Variants in PGR observed in about 807,000 individuals in gnomAD.
The protein encoded by PGR is progesterone receptor.
In PGR, 25 loss-of-function variants were observed where a neutral mutation model predicts 76.1. The ratio of observed to expected loss-of-function variants is 0.33; its 90% CI spans 0.24 to 0.46. PGR has a LOEUF of 0.46. PGR is among the 20% of genes least tolerant of loss of function. The pLI, the probability that PGR is intolerant of heterozygous loss-of-function variation, is 1.00. For missense variants in PGR, 1,172 were observed against 1,225.3 expected, an observed-to-expected ratio of 0.96 and a Z score of 0.65; for synonymous variants, 579 against 535.0, an observed-to-expected ratio of 1.08 and a Z score of -1.14.
chr11:101,098,908 C>A (rs1305797662), intron 2 of PGR, among the ~76,000 whole-genome samples: 1 of 152,178 alleles, frequency 6.6e-6, no homozygotes, highest in East Asian at 1.9e-4. Flanking sequence ...GGACAAAAAT[C>A]ATTTATGCCA....
At chr11:101,098,602 G>C (rs1361248911) in intron 2 of PGR, among the ~76,000 whole-genome samples, 2 of 152,084 alleles carry the variant, frequency 1.3e-5, no homozygotes. Context: ...ATCTCTATAA[G>C]CCAGAAAAGA....
At chr11:101,057,239 C>A (rs1255301804) in intron 4 of PGR, among the ~76,000 whole-genome samples, 3 of 152,012 alleles carry the variant, frequency 2.0e-5, no homozygotes, top group Non-Finnish European at 2.9e-5. Flanking sequence ...ACAAGTAATG[C>A]GAATCCTGAA....
chr11:101,117,362 T>C (rs1268619108), intron 2 of PGR, among the ~76,000 whole-genome samples: 1 of 152,322 alleles, frequency 6.6e-6, no homozygotes, highest in African/African-American at 2.4e-5. Flanking sequence ...TTTTTCTTGA[T>C]TTGTAAGAAT....
At chr11:101,081,168 G>A (rs1861293382) in intron 3 of PGR, among the ~76,000 whole-genome samples, 1 of 152,234 alleles carries the variant, frequency 6.6e-6, no homozygotes, top group African/African-American at 2.4e-5. Flanking sequence ...GGTGACTCAT[G>A]TCTGTAATCC....
In PGR at chr11:101,030,258, A is replaced by T. The variant is rs578135758; in HGVS notation, c.*8858T>A. The T allele has an allele frequency of 6.7e-5, 15 of 224,020 alleles. No individual in the cohort carries two copies. The highest frequency in any genetic ancestry group is 2.4e-4 in the African/African-American group (11 of 44,962). The allele number at this position is 224,020 out of a possible 1,614,324, so 13.9% of individuals were successfully genotyped here. A position where few individuals can be genotyped will look rare whatever the true frequency, so the allele number is the denominator to read the frequency against. ...TTACTAATAAGCAACGGGGTAGATA[A>T]CTTTGAAGATTGCATCAACTTCAAC... On this transcript the variant is annotated 3_prime_UTR_variant, in exon 8 of 8. Transcript: ENST00000325455.
chr11:101,044,541 C>T (rs1859798988), intron 6 of PGR, among the ~76,000 whole-genome samples: 1 of 152,098 alleles, frequency 6.6e-6, no homozygotes, highest in African/African-American at 2.4e-5. Flanking sequence ...GTATTTGAAA[C>T]TTGGCTAGTT....
intron 2 of PGR, among the ~76,000 whole-genome samples, chr11:101,097,018 C>T (rs751523660): frequency 5.9e-5 from 9 of 152,236 alleles, no homozygotes; most frequent in Non-Finnish European, 8.8e-5. Context: ...TAGGGGAGTT[C>T]ACCCCACTAG....
At chr11:101,112,013 G>A (rs1386294877) in intron 2 of PGR, among the ~76,000 whole-genome samples, 3 of 152,116 alleles carry the variant, frequency 2.0e-5, no homozygotes, top group African/African-American at 4.8e-5. Context: ...AAAACCAAGC[G>A]AATAAAGTAT....
Position 101,030,124 on chromosome 11 carries a change from C to CT in PGR, c.*8991dup, listed in dbSNP as rs973042115. Reference sequence around the variant, plus strand: ...TAAAAGTATAACTCTGGACAATGTACTTAGGGACCTACTACTTACTCAAAA... The same window carrying CT: ...TAAAAGTATAACTCTGGACAATGTACTTTAGGGACCTACTACTTACTCAAAA... On this transcript the variant is annotated 3_prime_UTR_variant, in exon 8 of 8. Coordinates refer to ENST00000325455, the MANE Select transcript of PGR (RefSeq NM_000926.4). 4.6e-6 allele frequency: 1 copy of CT among 219,484 alleles called. No homozygotes were observed. Among genetic ancestry groups the CT allele is most frequent in the Non-Finnish European group, 9.1e-6 (1 of 109,502 alleles). The allele number at this position is 219,484 out of a possible 1,614,324, so 13.6% of individuals were successfully genotyped here.
At chr11:101,114,680 G>GT (rs1287104715) in intron 2 of PGR, among the ~76,000 whole-genome samples, 1 of 151,578 alleles carries the variant, frequency 6.6e-6, no homozygotes, top group African/African-American at 2.4e-5. Context: ...TGAAGGTGAC[G>GT]TCCCCCACCC....
chr11:101,083,062 G>A (rs1046337086), intron 3 of PGR, among the ~76,000 whole-genome samples: 1 of 152,188 alleles, frequency 6.6e-6, no homozygotes, highest in South Asian at 2.1e-4. Context: ...CAGGCCCAGG[G>A]CCTAGCTACT....
chr11:101,096,516 A>C (rs1158282238), intron 2 of PGR, among the ~76,000 whole-genome samples: 1 of 152,224 alleles, frequency 6.6e-6, no homozygotes, highest in Non-Finnish European at 1.5e-5. Flanking sequence ...ACCATAATGC[A>C]TGGCCAGGAC....
intron 2 of PGR, among the ~76,000 whole-genome samples, chr11:101,097,148 G>C (rs999658754): frequency 1.3e-5 from 2 of 152,142 alleles, no homozygotes; most frequent in Non-Finnish European, 2.9e-5. Flanking sequence ...TTAGGGTGGG[G>C]AAAGCAGGGG....
intron 4 of PGR, among the ~76,000 whole-genome samples, chr11:101,056,987 C>G (rs1860319078): frequency 6.6e-6 from 1 of 152,174 alleles, no homozygotes; most frequent in East Asian, 1.9e-4. Context: ...ATTTAAATTT[C>G]TATAAATATT....
At chr11:101,100,874 T>C (rs950035871) in intron 2 of PGR, among the ~76,000 whole-genome samples, 1 of 152,058 alleles carries the variant, frequency 6.6e-6, no homozygotes, top group African/African-American at 2.4e-5. Flanking sequence ...TGTGGCCCAA[T>C]AGGTCAATAG....
At chr11:101,045,025 T>C (rs367656733) in intron 6 of PGR, among the ~76,000 whole-genome samples, 12 of 152,162 alleles carry the variant, frequency 7.9e-5, no homozygotes, top group African/African-American at 2.9e-4. Context: ...ATTCCAATAT[T>C]GTTGTATCTC....
intron 7 of PGR, among the ~76,000 whole-genome samples, 163 bp from the exon 8 acceptor site, chr11:101,039,434 A>G (rs1424122563): frequency 6.6e-6 from 1 of 151,990 alleles, no homozygotes; most frequent in African/African-American, 2.4e-5. Context: ...TTCTAGAATA[A>G]TATGTAAAAT....
intron 4 of PGR, among the ~76,000 whole-genome samples, chr11:101,060,770 T>C (rs1292868028): frequency 6.6e-6 from 1 of 152,182 alleles, no homozygotes; most frequent in Non-Finnish European, 1.5e-5. Flanking sequence ...AATACTAGTG[T>C]TGCCATTATT....
At chr11:101,081,374 A>C (rs955297793) in intron 3 of PGR, among the ~76,000 whole-genome samples, 5 of 152,030 alleles carry the variant, frequency 3.3e-5, no homozygotes, top group African/African-American at 1.2e-4. Context: ...GGTTGCAGTG[A>C]GCCAAGATCT....
Sources: allele counts gnomAD v4.1 joint callset (sites outside exome capture counted in the v4.1 genomes callset), GRCh38; gene constraint gnomAD v4.1.1; transcripts MANE v1.5; gene names NCBI Gene and HGNC (gene_info 2026-07-23, HGNC 2026-07-21).